Variants in GRK5 observed in about 807,000 individuals in gnomAD.
GRK5 encodes G protein-coupled receptor kinase 5.
Under a neutral mutation model 78.4 loss-of-function variants are expected in GRK5, and 40 were observed. That is an observed-to-expected ratio of 0.51 (90% CI 0.40 to 0.66). The LOEUF (loss-of-function observed/expected upper bound fraction) is 0.66, where lower values mean the gene tolerates loss of function less well. GRK5 is among the 30% of genes least tolerant of loss of function. The pLI is 0.00. For synonymous variants in GRK5, 289 were observed against 296.8 expected, an observed-to-expected ratio of 0.97 and a Z score of 0.27; for missense variants, 598 against 759.9, an observed-to-expected ratio of 0.79 and a Z score of 2.50.
At chr10:119,394,192 A>ATCTGTGTGTGTG (rs1851945627) in intron 3 of GRK5, among the ~76,000 whole-genome samples, 7 of 18,734 alleles carry the variant, frequency 3.7e-4, no homozygotes, top group Admixed American at 7.3e-4. Flanking sequence ...GTGTCTGTGT[A>ATCTGTGTGTGTG]TGGGGGTGTG....
chr10:119,322,687 G>A (rs534904597), intron 1 of GRK5, among the ~76,000 whole-genome samples: 201 of 152,214 alleles, frequency 1.3e-3, no homozygotes, highest in African/African-American at 4.6e-3. Context: ...ACATTCCTGG[G>A]GTCCAATCAC....
chr10:119,315,707 A>G (rs1850473827), intron 1 of GRK5, among the ~76,000 whole-genome samples: 1 of 152,196 alleles, frequency 6.6e-6, no homozygotes, highest in Non-Finnish European at 1.5e-5. Flanking sequence ...CAGACATCAC[A>G]GGCAGAATTG....
chr10:119,415,272 A>C lies in GRK5; in HGVS notation c.340-7894A>C, dbSNP rs929773781. Among the ~76,000 whole-genome samples the C allele has an allele frequency of 2.6e-5, 4 of 152,150 alleles. No individual in the cohort carries two copies. In the South Asian group the frequency reaches 6.2e-4, roughly 24 times the overall value. On this transcript the variant is annotated intron_variant, in intron 4 of 15. Transcript: ENST00000392870. Reference sequence around the variant, plus strand: ...GAACTGGGTGGGGTTTGGACATGCCATGAAGGGGTGGGAAGGAACGAAGGG... The same window carrying C: ...GAACTGGGTGGGGTTTGGACATGCCCTGAAGGGGTGGGAAGGAACGAAGGG...
Position 119,380,977 on chromosome 10 carries a change from A to G in GRK5, c.261+50A>G, listed in dbSNP as rs372733480. Reference sequence around the variant, plus strand: ...GTCCTGTGGTCCTCTGTGATCAGTGATTGTTTTGGCTCAAAGGAAAAAATA... The same window carrying G: ...GTCCTGTGGTCCTCTGTGATCAGTGGTTGTTTTGGCTCAAAGGAAAAAATA... On this transcript the variant is annotated intron_variant, in intron 3 of 15. Transcript: ENST00000392870. 3.4e-4 allele frequency: 403 copies of G among 1,183,282 alleles called. 1 individual carries two copies. Among genetic ancestry groups the G allele is most frequent in the Admixed American group, 8.1e-4 (46 of 57,104 alleles). The allele number at this position is 1,183,282 out of a possible 1,614,324, so 73.3% of individuals were successfully genotyped here.
intron 1 of GRK5, among the ~76,000 whole-genome samples, chr10:119,247,546 A>C (rs545745035): frequency 2.6e-4 from 40 of 152,238 alleles, no homozygotes; most frequent in Non-Finnish European, 4.4e-4. Context: ...TGTCTGGAGA[A>C]GGTTAGGTCA....
intron 4 of GRK5, among the ~76,000 whole-genome samples, chr10:119,413,106 G>C (rs150334136): frequency 1.3e-5 from 2 of 152,112 alleles, no homozygotes; most frequent in African/African-American, 4.8e-5. Flanking sequence ...GAGGAGGAGG[G>C]CGTTCTCTCC....
chr10:119,415,639 C>A (rs1216923578), intron 4 of GRK5, among the ~76,000 whole-genome samples: 1 of 152,178 alleles, frequency 6.6e-6, no homozygotes, highest in Non-Finnish European at 1.5e-5. Context: ...GGCAGAGACG[C>A]CACGGCTGAG....
chr10:119,396,991 G>C (rs142995271), intron 4 of GRK5, among the ~76,000 whole-genome samples: 1 of 152,258 alleles, frequency 6.6e-6, no homozygotes, highest in Non-Finnish European at 1.5e-5. Context: ...GAGTAGGGGC[G>C]GGATGCCTGC....
chr10:119,332,869 C>T (rs1850806943), intron 2 of GRK5, among the ~76,000 whole-genome samples: 1 of 152,246 alleles, frequency 6.6e-6, no homozygotes, highest in South Asian at 2.1e-4. Flanking sequence ...GTCCAAATAT[C>T]ATCTCCATAG....
intron 2 of GRK5, among the ~76,000 whole-genome samples, chr10:119,335,642 C>T (rs925544160): frequency 1.9e-4 from 29 of 152,194 alleles, no homozygotes; most frequent in African/African-American, 5.5e-4. Context: ...GGATTACAGG[C>T]GTGAGCCACT....
rs1236208509 is a variant in GRK5, at chr10:119,313,209, GTGGTGGTGGTGACGGTAGTGATGA to G, written c.53-13296_53-13273del. ...GATGATGATGGTGGTGGTAATGGTAGTGGTGGTGGTGACGGTAGTGATGATGGTGGTGGTAATGGTGGTGGTGAT... is the reference window on the plus strand; with the variant it reads ...GATGATGATGGTGGTGGTAATGGTAGTGGTGGTGGTAATGGTGGTGGTGAT... On this transcript the variant is annotated intron_variant, in intron 1 of 15. Transcript: ENST00000392870. Among the ~76,000 whole-genome samples, 5 of 148,344 alleles carry G rather than the reference GTGGTGGTGGTGACGGTAGTGATGA, an allele frequency of 3.4e-5. No homozygotes were observed. The East Asian group carries it at 1.2e-3, about 36-fold the overall frequency.
chr10:119,248,553 G>T (rs1430341598), intron 1 of GRK5, among the ~76,000 whole-genome samples: 1 of 152,104 alleles, frequency 6.6e-6, no homozygotes, highest in Non-Finnish European at 1.5e-5. Context: ...AATGTGCCTT[G>T]TGGAGCTTAG....
At chr10:119,371,481 C>T (rs894467980) in intron 2 of GRK5, among the ~76,000 whole-genome samples, 1 of 152,238 alleles carries the variant, frequency 6.6e-6, no homozygotes, top group Non-Finnish European at 1.5e-5. Flanking sequence ...AATATCATTC[C>T]TGTTTCTCAG....
At chr10:119,370,517 A>C (rs1248669623) in intron 2 of GRK5, among the ~76,000 whole-genome samples, 4 of 152,226 alleles carry the variant, frequency 2.6e-5, no homozygotes, top group African/African-American at 9.6e-5. Context: ...TTCTTGAAGT[A>C]ATAGAAGGCC....
intron 6 of GRK5, among the ~76,000 whole-genome samples, chr10:119,427,449 TCAC>T (rs1466633595): frequency 2.0e-5 from 3 of 150,848 alleles, no homozygotes; most frequent in African/African-American, 7.4e-5. Flanking sequence ...ATCATCAGCA[TCAC>T]CGCCATCATC....
intron 1 of GRK5, among the ~76,000 whole-genome samples, chr10:119,272,521 A>G (rs1193787439): frequency 6.8e-6 from 1 of 147,390 alleles, no homozygotes; most frequent in Non-Finnish European, 1.5e-5. Context: ...GGTTGCAGTG[A>G]GCCGAGATCA....
chr10:119,441,444 T>C (rs967869397), intron 10 of GRK5, among the ~76,000 whole-genome samples: 6 of 152,204 alleles, frequency 3.9e-5, no homozygotes, highest in African/African-American at 1.4e-4. Flanking sequence ...CGTCTCCCGC[T>C]CTGGGGGCTC....
chr10:119,208,950 A>G (rs1848436084), intron 1 of GRK5, among the ~76,000 whole-genome samples: 1 of 151,638 alleles, frequency 6.6e-6, no homozygotes, highest in Non-Finnish European at 1.5e-5. Context: ...CTAGTGTGCG[A>G]CCTTTTTCAT....
At chr10:119,328,292 T>C (rs781638057) in intron 2 of GRK5, among the ~76,000 whole-genome samples, 1 of 152,084 alleles carries the variant, frequency 6.6e-6, no homozygotes, top group Admixed American at 6.5e-5. Flanking sequence ...CTGGGGAGGA[T>C]TTGACCACTG....
Sources: allele counts gnomAD v4.1 joint callset (sites outside exome capture counted in the v4.1 genomes callset), GRCh38; gene constraint gnomAD v4.1.1; transcripts MANE v1.5; gene names NCBI Gene and HGNC (gene_info 2026-07-23, HGNC 2026-07-21).